The following PIGB variants were observed in gnomAD, a reference collection of about 807,000 sequenced individuals.
PIGB encodes GPI alpha-1,2-mannosyltransferase 3.
In PIGB, 58 loss-of-function variants were observed where a neutral mutation model predicts 68.4. The ratio of observed to expected loss-of-function variants is 0.85; its 90% CI spans 0.69 to 1.06. The LOEUF is 1.06. Ranked by LOEUF, PIGB falls within the 50% of genes least tolerant of loss-of-function variation. The pLI is 0.00. For synonymous variants in PIGB, 219 were observed against 220.5 expected, an observed-to-expected ratio of 0.99 and a Z score of 0.06; for missense variants, 634 against 655.8, an observed-to-expected ratio of 0.97 and a Z score of 0.36.
Position 55,320,421 on chromosome 15 carries a change from T to C in PIGB, c.299+11T>C. The C allele has an allele frequency of 1.2e-6, 2 of 1,611,528 alleles. No homozygotes were observed. The highest frequency in any genetic ancestry group is 1.7e-6 in the Non-Finnish European group (2 of 1,179,112). On this transcript the variant is annotated intron_variant, in intron 2 of 11. Coordinates refer to ENST00000164305, the MANE Select transcript of PIGB (RefSeq NM_004855.5). ...TCACATGGTTTTCAAATATCCTTTG[T>C]GGTTTCTTTTCCAGACTATGAGTGT...
In PIGB at chr15:55,319,265, A is replaced by G. The variant is rs938735569; in HGVS notation, c.15A>G (p.Leu5=). The change falls in exon 1 of 12, where the codon CTA becomes CTG. Residue 5 remains leucine, a synonymous_variant. Transcript: ENST00000164305. The stretch of plus-strand genomic sequence containing the variant: ...GGCGGCCAGGGATGAGGAGGCCCCT[A>G]AGCAAGTGCGGAATGGAGCCGGGGG... MRRP[L]SKCGMEPGGG... 6 of 1,607,098 alleles carry G rather than the reference A, an allele frequency of 3.7e-6. No individual in the cohort carries two copies. Among genetic ancestry groups the G allele is most frequent in the East Asian group, 2.2e-5 (1 of 44,754 alleles).
At chr15:55,342,644 A>G (rs933858840) in intron 9 of PIGB, among the ~76,000 whole-genome samples, 2 of 152,210 alleles carry the variant, frequency 1.3e-5, no homozygotes, top group African/African-American at 4.8e-5. Flanking sequence ...CACCCGCCTC[A>G]GCCTCCCAAA....
At chr15:55,341,676 TTCTC>T in intron 8 of PIGB, 58 bp from the exon 9 acceptor site, 1 of 582,148 alleles carries the variant, frequency 1.7e-6, no homozygotes, top group Non-Finnish European at 2.8e-6. Context: ...ATATATTACT[TTCTC>T]AATCTATCAT....
chr15:55,321,351 G>A lies in PIGB; in HGVS notation c.378G>A (p.Lys126=). ...TYPLIFASIY[K]ILHLLGKDSV... ...CCTTAATCTTTGCAAGCATTTACAA[G>A]ATTCTTCATCTTTTAGGGAAAGATA... The change falls in exon 3 of 12, where the codon AAG becomes AAA. Residue 126 remains lysine, a synonymous_variant. Coordinates refer to ENST00000164305, the MANE Select transcript of PIGB (RefSeq NM_004855.5). 1 of 1,607,406 alleles carries A rather than the reference G, an allele frequency of 6.2e-7. No individual in the cohort carries two copies.
In PIGB at chr15:55,333,857, C is replaced by A. The variant is rs376651002; in HGVS notation, c.654-10C>A. 65 of 1,539,452 alleles carry A rather than the reference C, an allele frequency of 4.2e-5. No homozygotes were observed. The African/African-American group carries it at 8.4e-4, about 20-fold the overall frequency. ...TCCCACTTGTCTTATCACACATTTT[C>A]CTCTTATAGTGTCAAATACTCATCC... On this transcript the variant is annotated splice_polypyrimidine_tract_variant and intron_variant, in intron 5 of 11. Coordinates refer to ENST00000164305, the MANE Select transcript of PIGB (RefSeq NM_004855.5).
chr15:55,351,009 G>C, intron 10 of PIGB, 97 bp downstream of exon 10: 1 of 647,782 alleles, frequency 1.5e-6, no homozygotes, highest in Non-Finnish European at 2.6e-6. Context: ...ATTGGTCACT[G>C]ATCAAATGAT....
intron 3 of PIGB, among the ~76,000 whole-genome samples, chr15:55,326,066 G>A (rs564186493): frequency 3.4e-5 from 5 of 149,036 alleles, no homozygotes; most frequent in South Asian, 2.1e-4. Flanking sequence ...GCGTGGCGGC[G>A]TGCACCTGTA....
intron 3 of PIGB, among the ~76,000 whole-genome samples, chr15:55,321,638 ACTTCTTT>A (rs1250347838): frequency 1.3e-4 from 18 of 136,312 alleles, no homozygotes; most frequent in African/African-American, 5.0e-4. Context: ...TTAGAAGTAT[ACTTCTTT>A]CTTTTTTTTT....
At chr15:55,349,229 C>T (rs2055871034) in intron 9 of PIGB, among the ~76,000 whole-genome samples, 1 of 152,070 alleles carries the variant, frequency 6.6e-6, no homozygotes, top group Non-Finnish European at 1.5e-5. Context: ...GTCACCCAGG[C>T]TGGAGTGCAG....
intron 7 of PIGB, among the ~76,000 whole-genome samples, chr15:55,339,623 C>T (rs1566954448): frequency 6.6e-6 from 1 of 152,188 alleles, no homozygotes; most frequent in Non-Finnish European, 1.5e-5. Context: ...GTTTTCAAAG[C>T]TTTATCTTCA....
At chr15:55,322,040 C>T (rs866530552) in intron 3 of PIGB, among the ~76,000 whole-genome samples, 2 of 151,632 alleles carry the variant, frequency 1.3e-5, no homozygotes, top group African/African-American at 4.8e-5. Context: ...CGGGTGTGGT[C>T]GCGCATGCCT....
chr15:55,332,073 G>C (rs898985421), intron 5 of PIGB, among the ~76,000 whole-genome samples: 1 of 151,920 alleles, frequency 6.6e-6, no homozygotes, highest in African/African-American at 2.4e-5. Context: ...TGCCTCCTGG[G>C]TTCAAGCAAT....
chr15:55,336,842 T>C (rs1417408492), intron 6 of PIGB, among the ~76,000 whole-genome samples: 1 of 152,062 alleles, frequency 6.6e-6, no homozygotes, highest in Non-Finnish European at 1.5e-5. Context: ...ACAAAAAAAT[T>C]AGCTGGGCAT....
intron 9 of PIGB, among the ~76,000 whole-genome samples, chr15:55,345,450 C>T (rs1392763503): frequency 6.6e-6 from 1 of 152,058 alleles, no homozygotes; most frequent in African/African-American, 2.4e-5. Context: ...ACTTCCTTAA[C>T]AAAATAGCAA....
At chr15:55,348,020 C>T (rs906364809) in intron 9 of PIGB, among the ~76,000 whole-genome samples, 4 of 129,394 alleles carry the variant, frequency 3.1e-5, no homozygotes, top group South Asian at 2.6e-4. Flanking sequence ...GACGACATCT[C>T]GCTCTGTCAC....
intron 9 of PIGB, among the ~76,000 whole-genome samples, chr15:55,347,987 T>C (rs901871920): frequency 3.2e-5 from 3 of 94,202 alleles, no homozygotes; most frequent in Non-Finnish European, 3.7e-5. Flanking sequence ...TAGTTTCTTT[T>C]TTTTTTTTTT....
At chr15:55,347,399 G>A (rs889069161) in intron 9 of PIGB, among the ~76,000 whole-genome samples, 6 of 152,200 alleles carry the variant, frequency 3.9e-5, no homozygotes, top group Admixed American at 2.0e-4. Context: ...TTGCACTCCC[G>A]CCTGGGCGAA....
chr15:55,324,289 C>T (rs2055230453), intron 3 of PIGB, among the ~76,000 whole-genome samples: 1 of 152,092 alleles, frequency 6.6e-6, no homozygotes, highest in African/African-American at 2.4e-5. Context: ...CAACATAGGC[C>T]TAGTGCTCAA....
intron 7 of PIGB, chr15:55,339,972 A>T (rs2055625846): frequency 6.6e-6 from 1 of 152,252 alleles, no homozygotes; most frequent in African/African-American, 2.4e-5. Flanking sequence ...ACCTCTAAAG[A>T]ACTTATTCAT....
Sources: allele counts gnomAD v4.1 joint callset (sites outside exome capture counted in the v4.1 genomes callset), GRCh38; gene constraint gnomAD v4.1.1; transcripts MANE v1.5; gene names NCBI Gene and HGNC (gene_info 2026-07-23, HGNC 2026-07-21).